The following SMG5 variants were observed in gnomAD, a reference collection of about 807,000 sequenced individuals.
SMG5 encodes the protein nonsense-mediated mRNA decay factor SMG5.
Under a neutral mutation model 122.9 loss-of-function variants are expected in SMG5, and 53 were observed. The observed-to-expected ratio is 0.43, with a 90% CI of 0.35 to 0.54. The LOEUF is 0.54. SMG5 is among the 20% of genes least tolerant of loss of function. The pLI, the probability that SMG5 is intolerant of heterozygous loss-of-function variation, is 0.01. For synonymous variants in SMG5, 477 were observed against 490.2 expected (o/e 0.97, Z 0.35); for missense variants, 1,153 against 1,285.6 (o/e 0.90, Z 1.58).
At chr1:156,271,082 T>G (rs1662394252) in intron 7 of SMG5, among the ~76,000 whole-genome samples, 2 of 151,596 alleles carry the variant, frequency 1.3e-5, no homozygotes, top group South Asian at 4.2e-4. Context: ...TAAGAATGAA[T>G]GAATATATCG....
At chr1:156,284,437 G>C (rs1399886353), upstream of SMG5, 2 of 152,242 alleles carry the variant, frequency 1.3e-5, no homozygotes, top group Non-Finnish European at 2.9e-5. Flanking sequence ...CAAACTGCAA[G>C]GTTTGGAGTG....
At chr1:156,251,176 C>T (rs1661330570) in intron 20 of SMG5, 180 bp from the exon 21 acceptor site, 1 of 958,380 alleles carries the variant, frequency 1.0e-6, no homozygotes, top group Non-Finnish European at 1.6e-6. Flanking sequence ...AGGGAAAACA[C>T]CAAGCCTGAG....
intron 1 of SMG5, 70 bp downstream of exon 1, chr1:156,282,537 C>T: frequency 6.6e-7 from 1 of 1,511,270 alleles, no homozygotes; most frequent in Non-Finnish European, 8.9e-7. Flanking sequence ...CCCGCCCGCC[C>T]GGGAGGCCCC....
chr1:156,288,197 C>CA, the SMG5 span, among the ~76,000 whole-genome samples: 2,717 of 56,568 alleles, frequency 0.048, 78 homozygotes, highest in African/African-American at 0.14. Context: ...GACTCCGTCT[C>CA]AAAAAAAAAA....
chr1:156,281,672 T>C (rs138427507), intron 1 of SMG5, among the ~76,000 whole-genome samples: 1 of 152,344 alleles, frequency 6.6e-6, no homozygotes, highest in Non-Finnish European at 1.5e-5. Context: ...ATCCGTGTTC[T>C]ATAAAGCCTG....
At chr1:156,273,530 TGA>T in intron 5 of SMG5, 80 bp from the exon 6 acceptor site, 5 of 1,344,602 alleles carry the variant, frequency 3.7e-6, no homozygotes, top group Non-Finnish European at 5.2e-6. Context: ...GAGTCCACTC[TGA>T]GAGTGGTAAC....
chr1:156,282,807 T>C lies in SMG5; in HGVS notation c.-127A>G. ...CGGCCCTGCTCGGCCGCCATCGCTG[T>C]GAGGCGGCTGCCCGCGACAGCTCCT... On this transcript the variant is annotated 5_prime_UTR_variant, in exon 1 of 22. Transcript: ENST00000361813. The C allele has an allele frequency of 9.7e-7, 1 of 1,033,568 alleles. No homozygotes were observed. Among genetic ancestry groups the C allele is most frequent in the Non-Finnish European group, 1.4e-6 (1 of 739,574 alleles). 64.0% of individuals were successfully genotyped at this position (1,033,568 alleles called of 1,614,324 possible). A position where few individuals can be genotyped will look rare whatever the true frequency, so the allele number is the denominator to read the frequency against.
chr1:156,273,725 T>TC (rs1572595344), intron 5 of SMG5, among the ~76,000 whole-genome samples: 1 of 147,654 alleles, frequency 6.8e-6, no homozygotes, highest in East Asian at 1.9e-4. Flanking sequence ...TTTCTTTTTT[T>TC]TTTTTTTTTT....
At chr1:156,266,749 A>G in intron 10 of SMG5, 71 bp from the exon 11 acceptor site, 3 of 1,530,640 alleles carry the variant, frequency 2.0e-6, no homozygotes, top group Non-Finnish European at 2.7e-6. Context: ...AATTCCAACC[A>G]CATCTCATCT....
chr1:156,286,214 T>C, upstream of SMG5: 2 of 1,591,142 alleles, frequency 1.3e-6, no homozygotes, highest in Non-Finnish European at 1.7e-6. Context: ...TCTTGTGCCC[T>C]TCCCCTGCCT....
rs577649253 is a variant in SMG5, at chr1:156,266,120, T to A, written c.1516A>T (p.Thr506Ser). The A allele has an allele frequency of 6.2e-7, 1 of 1,614,112 alleles. No homozygotes were observed. The highest frequency in any genetic ancestry group is 8.5e-7 in the Non-Finnish European group (1 of 1,179,982). The change falls in exon 12 of 22, where the codon ACG becomes TCG. Residue 506 changes from threonine (T) to serine (S), a missense_variant. Around this residue, in one of 5 missense-constraint regions of SMG5, gnomAD observed 631 missense variants for 650.6 expected, o/e 0.97. Transcript: ENST00000361813. ...GAGTCTGTTTCAGCATCAAAGGCCG[T>A]TCCCCCACCTTCAAGACTCTTGTCA... ...GSDKSLEGGG[T>S]AFDAETDSEM...
upstream of SMG5, chr1:156,285,373 G>A: frequency 6.3e-7 from 1 of 1,582,322 alleles, no homozygotes; most frequent in Non-Finnish European, 8.6e-7. Flanking sequence ...CCCTCAGAGT[G>A]GGGTCTTCAG....
At chr1:156,267,443 A>G in intron 10 of SMG5, 27 bp downstream of exon 10, 1 of 1,608,346 alleles carries the variant, frequency 6.2e-7, no homozygotes, top group Non-Finnish European at 8.5e-7. Context: ...CCAGTGGAAG[A>G]GAAAAGAGGA....
At chr1:156,263,918 C>A (rs930452713) in intron 12 of SMG5, among the ~76,000 whole-genome samples, 17 of 152,070 alleles carry the variant, frequency 1.1e-4, no homozygotes, top group Admixed American at 4.6e-4. Context: ...GAAGGCAGGG[C>A]AGACAGTTAG....
chr1:156,250,883 G>C lies in SMG5; in HGVS notation c.2942C>G (p.Pro981Arg). The C allele has an allele frequency of 1.2e-6, 2 of 1,613,942 alleles. No individual in the cohort carries two copies. Among genetic ancestry groups the C allele is most frequent in the Non-Finnish European group, 1.7e-6 (2 of 1,179,886 alleles). ...CTGCATGGGGCCTGAAAGCACGCTG[G>C]GGTTGTCCAGTGGAAGGCCTGTGAT... ...TIITGLPLDN[P>R]SVLSGPMQAA... The change falls in exon 21 of 22, where the codon CCC becomes CGC. Residue 981 changes from proline (P) to arginine (R), a missense_variant. By Grantham distance (103) the Pro-to-Arg change is moderately radical. This residue lies in a region of SMG5 where 84 missense variants were observed against 82.3 expected (regional missense o/e 1.02). Transcript: ENST00000361813.
chr1:156,286,169 A>G (rs1663153616), upstream of SMG5: 1 of 1,413,434 alleles, frequency 7.1e-7, no homozygotes. Context: ...GAGCCCATGC[A>G]CTGCCCACAG....
intron 16 of SMG5, among the ~76,000 whole-genome samples, chr1:156,255,738 T>C (rs1661551282): frequency 6.6e-6 from 1 of 151,822 alleles, no homozygotes; most frequent in Admixed American, 6.6e-5. Context: ...AAAGTATATT[T>C]TTTTTATTTT....
chr1:156,282,574 C>T (rs774362538), intron 1 of SMG5, 33 bp downstream of exon 1: 1 of 1,589,888 alleles, frequency 6.3e-7, no homozygotes, highest in East Asian at 2.3e-5. Flanking sequence ...CCACTTCCCT[C>T]GGTGGCTGCT....
At chr1:156,257,267 C>A (rs1661621053) in intron 16 of SMG5, among the ~76,000 whole-genome samples, 1 of 152,128 alleles carries the variant, frequency 6.6e-6, no homozygotes, top group Non-Finnish European at 1.5e-5. Context: ...CAAGCACCTA[C>A]CTCACTGGGC....
Sources: allele counts gnomAD v4.1 joint callset (sites outside exome capture counted in the v4.1 genomes callset), GRCh38; gene constraint gnomAD v4.1.1; regional missense constraint gnomAD v4.1.1; transcripts MANE v1.5; gene names NCBI Gene and HGNC (gene_info 2026-07-23, HGNC 2026-07-21).